KCNQ5: variants seen among roughly 807,000 people sequenced by gnomAD.
KCNQ5 encodes potassium voltage-gated channel subfamily KQT member 5.
KCNQ5 carries 30 observed loss-of-function variants against 98.2 expected under a neutral mutation model. The observed-to-expected ratio is 0.31, with a 90% confidence interval of 0.23 to 0.41. The LOEUF is 0.41. Among genes scored for constraint, KCNQ5 ranks in the 10% least tolerant of loss-of-function variants. KCNQ5 has a pLI of 1.00. For synonymous variants in KCNQ5, 458 were observed against 449.4 expected (o/e 1.02, Z -0.24); for missense variants, 835 against 1,182.5 (o/e 0.71, Z 4.31).
rs1301808638 is a variant in KCNQ5 at position 72,817,366 on chromosome 6, A to G, written c.399-186542A>G. On this transcript the variant is annotated intron_variant, in intron 1 of 13. Coordinates refer to ENST00000370398, the MANE Select transcript of KCNQ5 (RefSeq NM_019842.4). Reference sequence around the variant, plus strand: ...TTGTTCGTTTTGAATGCCTTAAACCAAATATTTTAATGTGCATTACTCACA... The same window carrying G: ...TTGTTCGTTTTGAATGCCTTAAACCGAATATTTTAATGTGCATTACTCACA... Among the ~76,000 whole-genome samples, 4 of 152,228 alleles carry G rather than the reference A, an allele frequency of 2.6e-5. No homozygotes were observed. In the East Asian group the frequency reaches 7.7e-4, roughly 29 times the overall value.
intron 3 of KCNQ5, among the ~76,000 whole-genome samples, chr6:73,067,863 G>GATATAT (rs71695883): frequency 9.6e-3 from 42 of 4,358 alleles, no homozygotes; most frequent in African/African-American, 0.011. Context: ...TTGGACAAAA[G>GATATAT]ATATATATAT....
chr6:72,664,611 T>C (rs1291552635), intron 1 of KCNQ5, among the ~76,000 whole-genome samples: 1 of 152,010 alleles, frequency 6.6e-6, no homozygotes, highest in Non-Finnish European at 1.5e-5. Flanking sequence ...GCTGAGATCG[T>C]ACCCACTGCA....
intron 1 of KCNQ5, among the ~76,000 whole-genome samples, chr6:72,999,577 C>T (rs954055021): frequency 2.0e-5 from 3 of 152,156 alleles, no homozygotes; most frequent in African/African-American, 4.8e-5. Context: ...CTTCCAGCCC[C>T]GTCTTACCAA....
chr6:73,007,990 G>A (rs1769890458), intron 2 of KCNQ5, among the ~76,000 whole-genome samples: 1 of 152,124 alleles, frequency 6.6e-6, no homozygotes, highest in African/African-American at 2.4e-5. Flanking sequence ...ATGTAAAGGA[G>A]CAGAGTTTTT....
intron 1 of KCNQ5, among the ~76,000 whole-genome samples, chr6:72,752,583 G>A (rs1771738196): frequency 1.3e-5 from 2 of 152,026 alleles, no homozygotes; most frequent in African/African-American, 4.8e-5. Flanking sequence ...AATTATTTCT[G>A]TGAGTCTCCA....
chr6:73,042,368 C>T (rs566551338), intron 3 of KCNQ5, among the ~76,000 whole-genome samples: 7 of 152,174 alleles, frequency 4.6e-5, no homozygotes, highest in African/African-American at 1.7e-4. Context: ...CAATCTGGCT[C>T]TAGAATACCC....
At chr6:72,802,278 T>G (rs912564494) in intron 1 of KCNQ5, among the ~76,000 whole-genome samples, 2 of 152,186 alleles carry the variant, frequency 1.3e-5, no homozygotes, top group African/African-American at 4.8e-5. Context: ...CAGACGTAGA[T>G]TTGGTCTTTT....
chr6:73,124,001 A>G (rs537512751), intron 8 of KCNQ5, among the ~76,000 whole-genome samples: 5 of 152,306 alleles, frequency 3.3e-5, no homozygotes, highest in African/African-American at 9.6e-5. Flanking sequence ...TATTCTATGT[A>G]CCTTATTTAC....
At chr6:72,658,904 C>A (rs769965680) in intron 1 of KCNQ5, among the ~76,000 whole-genome samples, 1 of 152,110 alleles carries the variant, frequency 6.6e-6, no homozygotes, top group South Asian at 2.1e-4. Flanking sequence ...TCATGATACA[C>A]ATTTCTTAGA....
At chr6:73,074,937 C>A (rs1411318547) in intron 3 of KCNQ5, among the ~76,000 whole-genome samples, 1 of 151,988 alleles carries the variant, frequency 6.6e-6, no homozygotes, top group African/African-American at 2.4e-5. Context: ...AGCAAGATTA[C>A]AATGAAATAA....
At chr6:72,952,054 G>GA (rs770401280) in intron 1 of KCNQ5, among the ~76,000 whole-genome samples, 4 of 152,092 alleles carry the variant, frequency 2.6e-5, no homozygotes, top group Non-Finnish European at 4.4e-5. Context: ...TGCATTTGGG[G>GA]AAAAAAATGG....
chr6:73,068,663 G>A (rs1773173128), intron 3 of KCNQ5, among the ~76,000 whole-genome samples: 1 of 152,146 alleles, frequency 6.6e-6, no homozygotes, highest in South Asian at 2.1e-4. Context: ...GATTGGAACT[G>A]AGGCACATGA....
At chr6:72,730,311 T>C (rs1263021317) in intron 1 of KCNQ5, among the ~76,000 whole-genome samples, 1 of 149,648 alleles carries the variant, frequency 6.7e-6, no homozygotes, top group Non-Finnish European at 1.5e-5. Flanking sequence ...ACTATTTAGA[T>C]TTTTTTTTGT....
At chr6:72,800,603 G>A (rs1459241477) in intron 1 of KCNQ5, among the ~76,000 whole-genome samples, 3 of 152,028 alleles carry the variant, frequency 2.0e-5, no homozygotes, top group Non-Finnish European at 4.4e-5. Context: ...TTTTTTGAAG[G>A]GTTTTCTGTG....
chr6:73,134,897 C>T (rs1582421587), intron 10 of KCNQ5: 1 of 152,394 alleles, frequency 6.6e-6, no homozygotes, highest in Non-Finnish European at 1.5e-5. Flanking sequence ...TTTCAGTGTC[C>T]TCTAGTTTCC....
chr6:73,006,113 T>A (rs1228325256), intron 2 of KCNQ5, among the ~76,000 whole-genome samples: 1 of 152,210 alleles, frequency 6.6e-6, no homozygotes, highest in Non-Finnish European at 1.5e-5. Context: ...AAAAGTTCAA[T>A]CATTTGTAGA....
At chr6:72,647,077 T>A (rs1346621252) in intron 1 of KCNQ5, among the ~76,000 whole-genome samples, 1 of 152,220 alleles carries the variant, frequency 6.6e-6, no homozygotes, top group East Asian at 1.9e-4. Context: ...GAAACACCAT[T>A]ATGCATATTC....
chr6:72,854,646 TATA>T (rs1777441935), intron 1 of KCNQ5, among the ~76,000 whole-genome samples: 1 of 151,274 alleles, frequency 6.6e-6, no homozygotes, highest in African/African-American at 2.4e-5. Flanking sequence ...TCATCTTTTT[TATA>T]ATGTCAAAAC....
intron 1 of KCNQ5, among the ~76,000 whole-genome samples, chr6:72,757,444 C>A (rs377283052): frequency 3.9e-5 from 6 of 152,112 alleles, no homozygotes; most frequent in African/African-American, 1.4e-4. Flanking sequence ...GAATTTAAAA[C>A]GCTTAACTTC....
Sources: allele counts gnomAD v4.1 joint callset (sites outside exome capture counted in the v4.1 genomes callset), GRCh38; gene constraint gnomAD v4.1.1; transcripts MANE v1.5; gene names NCBI Gene and HGNC (gene_info 2026-07-23, HGNC 2026-07-21).